SNED1: variants seen among roughly 807,000 people sequenced by gnomAD.
SNED1 encodes sushi, nidogen and EGF like domains 1, also known as sushi, nidogen and EGF-like domain-containing protein 1.
SNED1 carries 81 observed loss-of-function variants against 166.7 expected under a neutral mutation model. That is an observed-to-expected ratio of 0.49 (90% CI 0.41 to 0.58). The LOEUF is 0.58. Among genes scored for constraint, SNED1 ranks in the 20% least tolerant of loss-of-function variants. The pLI is 0.00. For synonymous variants in SNED1, 762 were observed against 822.0 expected (o/e 0.93, Z 1.25); for missense variants, 1,604 against 2,000.2 (o/e 0.80, Z 3.78).
intron 26 of SNED1, 81 bp downstream of exon 26, chr2:241,071,959 A>C (rs1476757769): frequency 9.6e-6 from 11 of 1,151,354 alleles, no homozygotes; most frequent in Non-Finnish European, 1.3e-5. Flanking sequence ...TGTCCCCTAC[A>C]TGATGAGCCC....
chr2:241,041,018 G>A (rs931006009), intron 8 of SNED1: 6 of 367,760 alleles, frequency 1.6e-5, no homozygotes, highest in Non-Finnish European at 2.7e-5. Flanking sequence ...GACGCACCAG[G>A]TGCTGCTTCT....
At position 241,049,037 on chromosome 2, in the gene SNED1, C is replaced by A. The variant is rs754303667; in HGVS notation, c.1520C>A (p.Pro507His). Residue 507 changes from proline (P) to histidine (H), a missense_variant, in exon 11 of 32, where the codon CCC (proline) becomes CAC (histidine). Around this residue, in one of 2 missense-constraint regions of SNED1, gnomAD observed 1,237 missense variants for 1,620.8 expected, o/e 0.76. Transcript: ENST00000310397. ...TTCTCTCTAGAAATCACAGCCATGC[C>A]CTGCAACATGAACACACAGTGCCCA... Reference protein sequence around the residue: ...LLCEFEITAMPCNMNTQCPDG... With the variant: ...LLCEFEITAMHCNMNTQCPDG... 6.8e-6 allele frequency: 11 copies of A among 1,612,816 alleles called. No individual in the cohort carries two copies. The highest frequency in any genetic ancestry group is 6.7e-5 in the African/African-American group (5 of 74,914).
rs987120099 is a variant in SNED1 at position 241,064,719 on chromosome 2, G to A, written c.2600-125G>A. On this transcript the variant is annotated intron_variant, in intron 19 of 31. Transcript: ENST00000310397. The surrounding 1 kb of genome is among the most constrained non-coding windows in gnomAD (Gnocchi z 7.0). ...GCAGAACCGAAGGGAGGCAGTAGCT[G>A]TCCTGTGCCCCCCGCCCCTCCACAC... 3 of 652,498 alleles carry A rather than the reference G, an allele frequency of 4.6e-6. No individual in the cohort carries two copies. Among genetic ancestry groups the A allele is most frequent in the Non-Finnish European group, 7.7e-6 (3 of 389,198 alleles). The allele number at this position is 652,498 out of a possible 1,614,324, so 40.4% of individuals were successfully genotyped here.
chr2:241,005,890 C>G (rs984753059), intron 1 of SNED1, among the ~76,000 whole-genome samples: 8 of 151,860 alleles, frequency 5.3e-5, no homozygotes, highest in Non-Finnish European at 8.8e-5. Flanking sequence ...AAAAATATTT[C>G]TTCTGCTTGG....
intron 16 of SNED1, among the ~76,000 whole-genome samples, chr2:241,057,830 A>G (rs1481919247): frequency 2.6e-5 from 4 of 152,240 alleles, no homozygotes; most frequent in African/African-American, 9.6e-5. Context: ...TTTCTGAAAG[A>G]AGTAAGATAA....
intron 1 of SNED1, among the ~76,000 whole-genome samples, chr2:241,020,983 C>A (rs2060754965): frequency 1.3e-5 from 2 of 152,232 alleles, no homozygotes; most frequent in African/African-American, 4.8e-5. Flanking sequence ...GATGTGACAG[C>A]TGCACACACC....
intron 1 of SNED1, among the ~76,000 whole-genome samples, chr2:241,012,879 A>G (rs1163795125): frequency 2.8e-5 from 4 of 141,472 alleles, no homozygotes; most frequent in Non-Finnish European, 6.0e-5. Flanking sequence ...TCTTTCGCCC[A>G]GGCTGGAGTG....
intron 11 of SNED1, 42 bp from the exon 12 acceptor site, chr2:241,049,775 G>A: frequency 1.3e-6 from 2 of 1,501,454 alleles, no homozygotes; most frequent in Non-Finnish European, 1.9e-6. Flanking sequence ...CCGCACAGAT[G>A]CGGCGTAAGC....
At chr2:241,058,327 TAGAAA>T (rs566174806) in intron 16 of SNED1, among the ~76,000 whole-genome samples, 239 of 152,156 alleles carry the variant, frequency 1.6e-3, no homozygotes, top group Admixed American at 3.7e-3. Context: ...ATACCAATGT[TAGAAA>T]AGAAGAAAAT....
intron 15 of SNED1, among the ~76,000 whole-genome samples, chr2:241,052,732 CCA>C (rs1559269825): frequency 0.022 from 973 of 43,950 alleles, 233 homozygotes; most frequent in East Asian, 0.11. Context: ...GATACCAGTG[CCA>C]GGCAGGTGAG....
intron 1 of SNED1, among the ~76,000 whole-genome samples, chr2:241,001,949 C>T (rs2060089339): frequency 6.6e-6 from 1 of 152,144 alleles, no homozygotes; most frequent in African/African-American, 2.4e-5. Context: ...CTGGCTAAAC[C>T]CCCACTCTGT....
intron 24 of SNED1, chr2:241,071,304 C>T (rs2062701887): frequency 1.8e-6 from 1 of 554,388 alleles, no homozygotes; most frequent in African/African-American, 1.9e-5. Context: ...GGGGCCTAGA[C>T]TCAGCCCTGC....
rs780070010 is a variant in SNED1, at chr2:241,049,853, A to C, written c.1655A>C (p.Asn552Thr). The C allele has an allele frequency of 2.5e-6, 4 of 1,613,718 alleles. No homozygotes were observed. The highest frequency in any genetic ancestry group is 2.2e-5 in the South Asian group (2 of 91,090). ...CCCTGCGACTCGGACCCCTGCTTCA[A>C]CGGAGGCTCCTGCGATGCCCATGAC... ...PSPCDSDPCF[N>T]GGSCDAHDDS... is the part of the protein sequence containing the mutation. The change falls in exon 12 of 32, where the codon AAC becomes ACC. Residue 552 changes from asparagine to threonine, a missense_variant. Physicochemically the swap from Asn to Thr is moderately conservative, Grantham distance 65. Around this residue, in one of 2 missense-constraint regions of SNED1, gnomAD observed 1,237 missense variants for 1,620.8 expected, o/e 0.76. Coordinates refer to ENST00000310397, the MANE Select transcript of SNED1 (RefSeq NM_001080437.3).
intron 28 of SNED1, 123 bp from the exon 29 acceptor site, chr2:241,082,154 A>G: frequency 1.4e-6 from 1 of 729,428 alleles, no homozygotes; most frequent in East Asian, 2.5e-5. Context: ...CTCTCCCACC[A>G]TCCCGCCTTG....
At chr2:241,049,509 A>G (rs1386600142) in intron 11 of SNED1, among the ~76,000 whole-genome samples, 2 of 152,236 alleles carry the variant, frequency 1.3e-5, no homozygotes, top group African/African-American at 4.8e-5. Context: ...TGCATCACGT[A>G]TAGTTATATA....
intron 1 of SNED1, among the ~76,000 whole-genome samples, chr2:241,025,164 C>T (rs531333841): frequency 2.6e-5 from 4 of 152,270 alleles, no homozygotes; most frequent in South Asian, 2.1e-4. Context: ...AGATCAGTGG[C>T]GGCATTTGAT....
chr2:241,087,647 A>G (rs2063653198), intron 30 of SNED1, 172 bp downstream of exon 30: 6 of 1,426,088 alleles, frequency 4.2e-6, no homozygotes, highest in Non-Finnish European at 5.5e-6. Context: ...GTATGTCCAT[A>G]TATGTGCATG....
intron 29 of SNED1, among the ~76,000 whole-genome samples, chr2:241,086,175 G>C (rs1056243877): frequency 6.6e-6 from 1 of 152,052 alleles, no homozygotes; most frequent in African/African-American, 2.4e-5. Context: ...CCCTGTCTGG[G>C]GTTTCTATGG....
chr2:241,077,948 G>GC (rs2063106891), intron 27 of SNED1, among the ~76,000 whole-genome samples: 2 of 152,210 alleles, frequency 1.3e-5, no homozygotes, highest in South Asian at 2.1e-4. Flanking sequence ...AATAGTTACC[G>GC]CATGACCCAG....
Sources: allele counts gnomAD v4.1 joint callset (sites outside exome capture counted in the v4.1 genomes callset), GRCh38; gene constraint gnomAD v4.1.1; regional missense constraint gnomAD v4.1.1; non-coding constraint Gnocchi (gnomAD v3.1); transcripts MANE v1.5; gene names NCBI Gene and HGNC (gene_info 2026-07-23, HGNC 2026-07-21).